The following MCTP2 variants were observed in gnomAD, a reference collection of about 807,000 sequenced individuals.
MCTP2 encodes the protein multiple C2 and transmembrane domain containing 2.
Under a neutral mutation model 111.6 loss-of-function variants are expected in MCTP2, and 132 were observed. The observed-to-expected ratio is 1.18, with a 90% CI of 1.03 to 1.37. The LOEUF is 1.37. Among genes scored for constraint, MCTP2 ranks in the 40% most tolerant of loss-of-function variants. The pLI is 0.00. For synonymous variants in MCTP2, 395 were observed against 387.7 expected (o/e 1.02, Z -0.22); for missense variants, 1,183 against 1,067.9 (o/e 1.11, Z -1.50).
chr15:94,356,937 G>T (rs541534527), intron 9 of MCTP2, among the ~76,000 whole-genome samples: 4 of 152,124 alleles, frequency 2.6e-5, no homozygotes, highest in South Asian at 4.1e-4. Flanking sequence ...AGTCCCTAAA[G>T]CGTGATAATT....
chr15:94,457,081 G>C (rs1228102773), intron 19 of MCTP2, among the ~76,000 whole-genome samples: 1 of 152,136 alleles, frequency 6.6e-6, no homozygotes, highest in Non-Finnish European at 1.5e-5. Flanking sequence ...TTGCTTGATA[G>C]TTTAGTACAA....
At chr15:94,328,756 G>A (rs921836435) in intron 4 of MCTP2, among the ~76,000 whole-genome samples, 2 of 152,222 alleles carry the variant, frequency 1.3e-5, no homozygotes, top group African/African-American at 4.8e-5. Flanking sequence ...AATTCTGGGA[G>A]TGTAAGTTTG....
chr15:94,254,597 A>G (rs1229706047), intron 1 of MCTP2, among the ~76,000 whole-genome samples: 3 of 152,182 alleles, frequency 2.0e-5, no homozygotes, highest in Non-Finnish European at 4.4e-5. Context: ...AAATATCACA[A>G]ATGTGGCCAC....
At chr15:94,383,613 G>A (rs953405710) in intron 12 of MCTP2, among the ~76,000 whole-genome samples, 2 of 152,212 alleles carry the variant, frequency 1.3e-5, no homozygotes, top group Admixed American at 1.3e-4. Flanking sequence ...TGAGAGCCAA[G>A]TGAAAGAAAA....
intron 1 of MCTP2, among the ~76,000 whole-genome samples, chr15:94,248,856 C>G (rs2072206167): frequency 6.6e-6 from 1 of 152,204 alleles, no homozygotes; most frequent in South Asian, 2.1e-4. Context: ...GCCACGGTGG[C>G]TTACACAGGT....
intron 1 of MCTP2, among the ~76,000 whole-genome samples, chr15:94,234,670 T>C (rs947347879): frequency 2.6e-5 from 4 of 152,224 alleles, no homozygotes; most frequent in Non-Finnish European, 5.9e-5. Flanking sequence ...TTCAAGACTT[T>C]CCAGGTTGGT....
chr15:94,405,697 G>T (rs112183041), intron 17 of MCTP2, among the ~76,000 whole-genome samples: 107 of 152,282 alleles, frequency 7.0e-4, no homozygotes, highest in African/African-American at 2.5e-3. Context: ...TTAAACATGG[G>T]CATTTGTAGG....
At chr15:94,328,197 C>T (rs1173936711) in intron 4 of MCTP2, among the ~76,000 whole-genome samples, 3 of 149,102 alleles carry the variant, frequency 2.0e-5, no homozygotes, top group South Asian at 4.2e-4. Context: ...GGCGTGATCT[C>T]GGCTCACTGC....
intron 1 of MCTP2, among the ~76,000 whole-genome samples, chr15:94,252,344 C>T (rs1452871898): frequency 6.6e-6 from 1 of 152,158 alleles, no homozygotes; most frequent in Non-Finnish European, 1.5e-5. Flanking sequence ...CTCATAATTT[C>T]CATGTACATT....
chr15:94,385,583 A>G (rs753813696), intron 14 of MCTP2, 58 bp downstream of exon 14: 20 of 1,217,648 alleles, frequency 1.6e-5, no homozygotes, highest in East Asian at 4.7e-5. Flanking sequence ...ATGAGTTTCT[A>G]TGGTCTAGAG....
intron 10 of MCTP2, among the ~76,000 whole-genome samples, chr15:94,361,068 T>C (rs979882429): frequency 6.7e-6 from 1 of 149,678 alleles, no homozygotes; most frequent in Non-Finnish European, 1.5e-5. Context: ...TCCTGGCTAT[T>C]GTTTAAATAT....
chr15:94,294,947 T>G (rs1277531109), intron 1 of MCTP2, among the ~76,000 whole-genome samples: 6 of 22,268 alleles, frequency 2.7e-4, no homozygotes, highest in Non-Finnish European at 6.1e-4. Context: ...TTTCCTTTTT[T>G]TTTTTTTTTT....
At chr15:94,363,208 A>C (rs11634400) in intron 10 of MCTP2, among the ~76,000 whole-genome samples, 20,711 of 152,054 alleles carry the variant, frequency 0.14, 1,672 homozygotes, top group African/African-American at 0.19. Flanking sequence ...TCTAGAGCAC[A>C]TTGTATGCTG....
chr15:94,440,104 A>G, intron 17 of MCTP2, 72 bp from the exon 18 acceptor site: 1 of 1,547,994 alleles, frequency 6.5e-7, no homozygotes, highest in East Asian at 2.3e-5. Flanking sequence ...CCTTACATCA[A>G]TGAGTAGGAA....
chr15:94,347,978 A>G (rs2078078320), intron 8 of MCTP2, among the ~76,000 whole-genome samples: 2 of 151,998 alleles, frequency 1.3e-5, no homozygotes, highest in Admixed American at 6.5e-5. Flanking sequence ...TCTGACTACA[A>G]TGGCTATTTA....
At chr15:94,454,924 G>A (rs1346669834) in intron 19 of MCTP2, among the ~76,000 whole-genome samples, 2 of 152,066 alleles carry the variant, frequency 1.3e-5, no homozygotes, top group African/African-American at 2.4e-5. Flanking sequence ...AGGTTCAAGC[G>A]ATTCTCCTGC....
rs948272099 is a variant in MCTP2 at position 94,480,682 on chromosome 15, C to T, written c.*1648C>T. 7 of 152,278 alleles carry T rather than the reference C, an allele frequency of 4.6e-5. No individual in the cohort carries two copies. The South Asian group carries it at 6.2e-4, about 14-fold the overall frequency. The allele number at this position is 152,278 out of a possible 1,614,324, so 9.4% of individuals were successfully genotyped here. A position where few individuals can be genotyped will look rare whatever the true frequency, so the allele number is the denominator to read the frequency against. On this transcript the variant is annotated 3_prime_UTR_variant, in exon 23 of 23. Coordinates refer to ENST00000357742, the MANE Select transcript of MCTP2 (RefSeq NM_001385001.1). ...TTTATCATAGTCTGTCATTTTGTAACGACCTAAGTCAGACATTTTTAAACA... is the reference window on the plus strand; with the variant it reads ...TTTATCATAGTCTGTCATTTTGTAATGACCTAAGTCAGACATTTTTAAACA...
chr15:94,358,112 C>G (rs1567517754), intron 9 of MCTP2, among the ~76,000 whole-genome samples: 2 of 152,200 alleles, frequency 1.3e-5, no homozygotes, highest in Non-Finnish European at 2.9e-5. Context: ...GCCAACAAAA[C>G]TGTTACTTGC....
At chr15:94,313,741 C>T (rs1424214813) in intron 2 of MCTP2, among the ~76,000 whole-genome samples, 2 of 152,036 alleles carry the variant, frequency 1.3e-5, no homozygotes, top group African/African-American at 2.4e-5. Flanking sequence ...AACATAGACA[C>T]CTCTCATTCT....
Sources: gnomAD v4.1 joint callset for allele counts (sites outside exome capture counted in the v4.1 genomes callset) on GRCh38, gnomAD v4.1.1 for gene constraint, MANE v1.5 for transcripts, NCBI Gene and HGNC (gene_info 2026-07-23, HGNC 2026-07-21) for gene names.